Variants in SPECC1L observed in about 807,000 individuals in gnomAD.
The protein encoded by SPECC1L is sperm antigen with calponin homology and coiled-coil domains 1 like.
Under a neutral mutation model 116.8 loss-of-function variants are expected in SPECC1L, and 40 were observed. The observed-to-expected ratio is 0.34, with a 90% CI of 0.27 to 0.45. SPECC1L has a LOEUF of 0.45. Among genes scored for constraint, SPECC1L ranks in the 20% least tolerant of loss-of-function variants. SPECC1L has a pLI of 1.00. For synonymous variants in SPECC1L, 504 were observed against 500.6 expected (o/e 1.01, Z -0.09); for missense variants, 1,110 against 1,373.6 (o/e 0.81, Z 3.03).
intron 2 of SPECC1L, among the ~76,000 whole-genome samples, chr22:24,285,150 C>A (rs1439299391): frequency 6.6e-6 from 1 of 152,088 alleles, no homozygotes; most frequent in African/African-American, 2.4e-5. Flanking sequence ...CTGCTTAAGT[C>A]GGAGTGGAAG....
chr22:24,387,570 G>A (rs964046630), intron 14 of SPECC1L, among the ~76,000 whole-genome samples: 3 of 152,076 alleles, frequency 2.0e-5, no homozygotes, highest in East Asian at 1.9e-4. Context: ...GAATGTTGTC[G>A]CCCCAATTAT....
chr22:24,313,852 C>T (rs2040507626), intron 4 of SPECC1L, among the ~76,000 whole-genome samples: 1 of 151,724 alleles, frequency 6.6e-6, no homozygotes, highest in African/African-American at 2.4e-5. Context: ...GATTCTCCTG[C>T]CTCAGCCTCC....
At chr22:24,271,686 C>G (rs906241432) in intron 1 of SPECC1L, among the ~76,000 whole-genome samples, 1 of 152,218 alleles carries the variant, frequency 6.6e-6, no homozygotes, top group African/African-American at 2.4e-5. Flanking sequence ...GAAAAGAAAT[C>G]AGTTTCCAGT....
chr22:24,285,383 T>G (rs2049021111), intron 2 of SPECC1L, among the ~76,000 whole-genome samples: 1 of 152,348 alleles, frequency 6.6e-6, no homozygotes, highest in Admixed American at 6.5e-5. Flanking sequence ...GTTAGCTGTT[T>G]CTACTTAAAG....
At chr22:24,362,382 G>A (rs1303378523) in intron 11 of SPECC1L, among the ~76,000 whole-genome samples, 1 of 152,156 alleles carries the variant, frequency 6.6e-6, no homozygotes, top group Non-Finnish European at 1.5e-5. Flanking sequence ...GGAACTAAAG[G>A]AACTCCCAAG....
chr22:24,411,754 G>T (rs200763694), intron 15 of SPECC1L, 50 bp downstream of exon 15: 6 of 1,481,292 alleles, frequency 4.1e-6, no homozygotes, highest in Non-Finnish European at 4.7e-6. Flanking sequence ...GGGTTGGAGG[G>T]CTGAGAACCA....
intron 2 of SPECC1L, among the ~76,000 whole-genome samples, chr22:24,299,260 G>A (rs1749428644): frequency 1.3e-5 from 2 of 152,202 alleles, no homozygotes; most frequent in South Asian, 4.2e-4. Flanking sequence ...GATAGTAAAG[G>A]TATATTTTCA....
At chr22:24,386,456 TAA>T (rs2042162335) in intron 14 of SPECC1L, among the ~76,000 whole-genome samples, 1 of 151,890 alleles carries the variant, frequency 6.6e-6, no homozygotes, top group Non-Finnish European at 1.5e-5. Context: ...GAAAGAGAGA[TAA>T]GAGGTATAAA....
chr22:24,353,235 A>G (rs2041460202), intron 11 of SPECC1L, among the ~76,000 whole-genome samples: 1 of 152,114 alleles, frequency 6.6e-6, no homozygotes, highest in Non-Finnish European at 1.5e-5. Flanking sequence ...CTAGAATCAA[A>G]TTGAGGCTCC....
rs145183243 is a variant in SPECC1L, at chr22:24,321,469, C to G, written c.489C>G (p.Asp163Glu). The G allele has an allele frequency of 1.2e-6, 2 of 1,614,118 alleles. No individual in the cohort carries two copies. Among genetic ancestry groups the G allele is most frequent in the African/African-American group, 2.7e-5 (2 of 74,924 alleles). ...GCAGTCGAACTGCTACAGAATGTGACGTTCGTATGAGCAAGTCTAAGTCAG... is the reference window on the plus strand; with the variant it reads ...GCAGTCGAACTGCTACAGAATGTGAGGTTCGTATGAGCAAGTCTAAGTCAG... Reference protein sequence around the residue: ...RSRSRTATECDVRMSKSKSDN... With the variant: ...RSRSRTATECEVRMSKSKSDN... The change falls in exon 5 of 17, where the codon GAC becomes GAG. Residue 163 changes from aspartate (D) to glutamate (E), a missense_variant. Around this residue, in one of 4 missense-constraint regions of SPECC1L, gnomAD observed 437 missense variants for 482.6 expected, o/e 0.91. Transcript: ENST00000314328.
intron 1 of SPECC1L, among the ~76,000 whole-genome samples, chr22:24,273,191 A>G (rs1460098153): frequency 6.6e-6 from 1 of 152,208 alleles, no homozygotes; most frequent in African/African-American, 2.4e-5. Context: ...TCTATAACTG[A>G]CTTGACACAC....
At chr22:24,335,407 C>G (rs1209840005) in intron 9 of SPECC1L, among the ~76,000 whole-genome samples, 1 of 152,210 alleles carries the variant, frequency 6.6e-6, no homozygotes, top group Non-Finnish European at 1.5e-5. Context: ...TCACTATAGT[C>G]CTACACAGCA....
intron 14 of SPECC1L, among the ~76,000 whole-genome samples, chr22:24,378,749 A>G (rs1020397393): frequency 6.6e-6 from 1 of 152,226 alleles, no homozygotes; most frequent in African/African-American, 2.4e-5. Context: ...TTATAGATTA[A>G]GTTCACTGTC....
At chr22:24,363,191 T>G (rs2041678802) in intron 11 of SPECC1L, 70 bp from the exon 12 acceptor site, 1 of 1,383,548 alleles carries the variant, frequency 7.2e-7, no homozygotes, top group Admixed American at 1.7e-5. Context: ...AAACTCACCT[T>G]CTTTGTACCT....
At chr22:24,328,704 T>A (rs2040877411) in intron 6 of SPECC1L, 142 bp from the exon 7 acceptor site, 4 of 609,516 alleles carry the variant, frequency 6.6e-6, no homozygotes, top group Non-Finnish European at 1.2e-5. Flanking sequence ...TTTTTTCTGT[T>A]AAAGTTTTGT....
intron 11 of SPECC1L, among the ~76,000 whole-genome samples, chr22:24,355,007 G>A (rs1049124593): frequency 1.3e-5 from 2 of 150,342 alleles, no homozygotes; most frequent in African/African-American, 4.9e-5. Flanking sequence ...CAGGCCAGGC[G>A]CAGTGGCTCA....
chr22:24,394,544 C>T (rs2042331458), intron 14 of SPECC1L, among the ~76,000 whole-genome samples: 1 of 152,188 alleles, frequency 6.6e-6, no homozygotes, highest in African/African-American at 2.4e-5. Flanking sequence ...TGCATAAGGA[C>T]ATCTGAAAAG....
chr22:24,403,402 T>TA (rs2042519410), intron 14 of SPECC1L, among the ~76,000 whole-genome samples: 1 of 152,272 alleles, frequency 6.6e-6, no homozygotes, highest in Non-Finnish European at 1.5e-5. Context: ...TCTATTATTT[T>TA]AAAAAAGTTA....
In SPECC1L at chr22:24,328,795, C is replaced by T. The variant is rs2040879184; in HGVS notation, c.2147-51C>T. 4 of 1,405,584 alleles carry T rather than the reference C, an allele frequency of 2.8e-6. No homozygotes were observed. The East Asian group carries it at 9.2e-5, about 32-fold the overall frequency. 87.1% of individuals were successfully genotyped at this position (1,405,584 alleles called of 1,614,324 possible). A position where few individuals can be genotyped will look rare whatever the true frequency, so the allele number is the denominator to read the frequency against. On this transcript the variant is annotated intron_variant, in intron 6 of 16. Coordinates refer to ENST00000314328, the MANE Select transcript of SPECC1L (RefSeq NM_015330.6). ...AGTATCCCTTTTCTTTGTATTATTACTCTGAAGATTGTTGTGAGAATAGAT... is the reference window on the plus strand; with the variant it reads ...AGTATCCCTTTTCTTTGTATTATTATTCTGAAGATTGTTGTGAGAATAGAT...
Sources: gnomAD v4.1 joint callset for allele counts (sites outside exome capture counted in the v4.1 genomes callset) on GRCh38, gnomAD v4.1.1 for gene constraint, gnomAD v4.1.1 regional missense constraint, MANE v1.5 for transcripts, NCBI Gene and HGNC (gene_info 2026-07-23, HGNC 2026-07-21) for gene names.